Variants in THAP9 observed in about 807,000 individuals in gnomAD.
THAP9 encodes THAP domain containing 9.
In THAP9, 20 loss-of-function variants were observed where a neutral mutation model predicts 35.7. The observed-to-expected ratio is 0.56, with a 90% CI of 0.39 to 0.81. The LOEUF (loss-of-function observed/expected upper bound fraction) is 0.81. Among genes scored for constraint, THAP9 ranks in the 40% least tolerant of loss-of-function variants. The probability of loss-of-function intolerance (pLI) is 0.00; values close to 1 mark genes in which losing one functional copy is unlikely to be tolerated. For missense variants in THAP9, 870 were observed against 1,047.4 expected (o/e 0.83, Z 2.34); for synonymous variants, 335 against 373.7 (o/e 0.90, Z 1.19).
intron 1 of THAP9, 54 bp from the exon 2 acceptor site, chr4:82,904,682 G>A: frequency 1.3e-6 from 2 of 1,489,576 alleles, no homozygotes; most frequent in East Asian, 2.3e-5. Flanking sequence ...AAATACTACT[G>A]TAATAGTACT....
Position 82,906,436 on chromosome 4 carries a change from C to T in THAP9, c.389C>T (p.Thr130Ile), listed in dbSNP as rs376247867. ...ATEDHNYSLK[T>I]PLTIGAEKLA... ...GAGGACCATAACTATAGTTTAAAGA[C>T]ACCTTTGACGATAGGTGCAGAGAAA... The change falls in exon 3 of 5, where the codon ACA becomes ATA. Residue 130 changes from threonine (T) to isoleucine (I), a missense_variant. Thr to Ile is a moderately conservative substitution (Grantham distance 89, BLOSUM62 -1). This residue lies in a region of THAP9 where 440 missense variants were observed against 501.2 expected (regional missense o/e 0.88). Coordinates refer to ENST00000302236, the MANE Select transcript of THAP9 (RefSeq NM_024672.6). The T allele has an allele frequency of 7.4e-6, 12 of 1,613,794 alleles. No homozygotes were observed.
At chr4:82,915,021 T>A (rs1720991357) in intron 4 of THAP9, among the ~76,000 whole-genome samples, 1 of 152,236 alleles carries the variant, frequency 6.6e-6, no homozygotes, top group South Asian at 2.1e-4. Context: ...GTCTTCTGCA[T>A]ATGGCTAGCC....
rs768485620 is a variant in THAP9 at position 82,918,360 on chromosome 4, C to T, written c.2148C>T (p.Ile716=). The change falls in exon 5 of 5, where the codon ATC becomes ATT. Residue 716 remains isoleucine (I), a synonymous_variant. Coordinates refer to ENST00000302236, the MANE Select transcript of THAP9 (RefSeq NM_024672.6). ...TGTCAGATCATAGGCGAAATCTCAT[C>T]TGTTATGCTGGTTATGTTGCAAACA... ...LDLSDHRRNL[I]CYAGYVANKL... 1.4e-5 allele frequency: 23 copies of T among 1,614,174 alleles called. No homozygotes were observed. The South Asian group carries it at 2.4e-4, about 17-fold the overall frequency.
At chr4:82,905,580 A>G (rs1242802615) in intron 2 of THAP9, among the ~76,000 whole-genome samples, 1 of 152,112 alleles carries the variant, frequency 6.6e-6, no homozygotes, top group Non-Finnish European at 1.5e-5. Flanking sequence ...TCATTCCCCT[A>G]TTCGGAAGTA....
At chr4:82,901,021 G>A in intron 1 of THAP9, 139 bp downstream of exon 1, 1 of 1,043,502 alleles carries the variant, frequency 9.6e-7, no homozygotes, top group Non-Finnish European at 1.5e-6. Context: ...GCGTCGGGGC[G>A]TGGGAGCGGA....
Position 82,918,779 on chromosome 4 carries a change from T to C in THAP9, c.2567T>C (p.Leu856Ser). 1 of 1,613,838 alleles carries C rather than the reference T, an allele frequency of 6.2e-7. No homozygotes were observed. The highest frequency in any genetic ancestry group is 8.5e-7 in the Non-Finnish European group (1 of 1,179,902). Residue 856 changes from leucine to serine, a missense_variant, in exon 5 of 5, where the codon TTA (leucine) becomes TCA (serine). By Grantham distance (145) the Leu-to-Ser change is moderately radical. This residue lies in a region of THAP9 where 414 missense variants were observed against 500.8 expected (regional missense o/e 0.83). Transcript: ENST00000302236. ...GCTAAAAATGTTGCACAGAATCCTT[T>C]AAAACATCATTCAGAGAGAACTGAT... ...IRAKNVAQNP[L>S]KHHSERTDMK...
chr4:82,900,908 C>T (rs776146016), intron 1 of THAP9, 26 bp downstream of exon 1: 13 of 1,611,568 alleles, frequency 8.1e-6, no homozygotes, highest in African/African-American at 1.3e-5. Flanking sequence ...GCCTCGAAGC[C>T]TTCGAACTCC....
At chr4:82,902,542 AGGACCACGCTAGTAATAGAAGTTGTT>A (rs1264016284) in intron 1 of THAP9, among the ~76,000 whole-genome samples, 6 of 152,324 alleles carry the variant, frequency 3.9e-5, no homozygotes, top group African/African-American at 1.4e-4. Flanking sequence ...TTTGCATCAG[AGGACCACGCTAGTAATAGAAGTTGTT>A]GGACCAGCCA....
chr4:82,910,134 C>T (rs1007100162), intron 4 of THAP9: 2 of 152,020 alleles, frequency 1.3e-5, no homozygotes, highest in Non-Finnish European at 2.9e-5. Context: ...TTAAATCTTC[C>T]TGGTAATTCC....
At chr4:82,912,437 G>A (rs1428041528) in intron 4 of THAP9, among the ~76,000 whole-genome samples, 1 of 152,190 alleles carries the variant, frequency 6.6e-6, no homozygotes, top group Non-Finnish European at 1.5e-5. Context: ...ATTTAGCACT[G>A]TAGATCTCTA....
intron 4 of THAP9, among the ~76,000 whole-genome samples, chr4:82,909,770 T>C (rs1168172141): frequency 1.3e-5 from 2 of 152,202 alleles, no homozygotes; most frequent in Non-Finnish European, 2.9e-5. Flanking sequence ...TATTCACTTT[T>C]TGCTAAGCAA....
chr4:82,901,038 G>A, intron 1 of THAP9, 156 bp downstream of exon 1: 2 of 882,276 alleles, frequency 2.3e-6, no homozygotes, highest in Non-Finnish European at 3.7e-6. Context: ...CGGAATTGGG[G>A]CACTGTGAGA....
chr4:82,907,893 TAAGA>T lies in THAP9; in HGVS notation c.694_697del (p.Lys232PhefsTer35), dbSNP rs1201159940. 6.2e-7 allele frequency: 1 copy of T among 1,610,808 alleles called. No homozygotes were observed. Among genetic ancestry groups the T allele is most frequent in the Non-Finnish European group, 8.5e-7 (1 of 1,178,998 alleles). On this transcript the variant is annotated frameshift_variant, in exon 4 of 5. Transcript: ENST00000302236. LOFTEE classifies it low-confidence loss of function (END_TRUNC). ...TGCAGTAGCAAAGTCTATGATTATGTAAGAAAGATTCTTAAGCTGCCTCATTCTT... is the reference window on the plus strand; with the variant it reads ...TGCAGTAGCAAAGTCTATGATTATGTAAGATTCTTAAGCTGCCTCATTCTT...
intron 1 of THAP9, among the ~76,000 whole-genome samples, chr4:82,901,985 A>G (rs1035328331): frequency 6.6e-6 from 1 of 152,182 alleles, no homozygotes; most frequent in African/African-American, 2.4e-5. Flanking sequence ...GTAAGACTTT[A>G]TAGCATATGT....
chr4:82,908,691 A>G (rs968230494), intron 4 of THAP9, among the ~76,000 whole-genome samples: 1 of 152,152 alleles, frequency 6.6e-6, no homozygotes, highest in African/African-American at 2.4e-5. Context: ...TTCCAGGTTC[A>G]AGCAATTCTC....
chr4:82,902,105 C>CTTTTTTTT (rs768693634), intron 1 of THAP9, among the ~76,000 whole-genome samples: 2 of 104,482 alleles, frequency 1.9e-5, no homozygotes, highest in Non-Finnish European at 1.8e-5. Context: ...CATTTTCCTT[C>CTTTTTTTT]TTTTTTTTTT....
At position 82,917,484 on chromosome 4, in the gene THAP9, T is replaced by C. The variant is rs1193395763; in HGVS notation, c.1272T>C (p.Asn424=). Residue 424 remains asparagine (N), a synonymous_variant, in exon 5 of 5, where the codon AAT becomes AAC. Transcript: ENST00000302236. Reference sequence around the variant, plus strand: ...GCCACTTGCTAAGATTAATAAGAAATGCATTTCAGAATTTTCAAAGCATTC... The same window carrying C: ...GCCACTTGCTAAGATTAATAAGAAACGCATTTCAGAATTTTCAAAGCATTC... ...DSCHLLRLIR[N]AFQNFQSIQF... is the part of the protein sequence containing the mutation. 1 of 1,613,604 alleles carries C rather than the reference T, an allele frequency of 6.2e-7. No homozygotes were observed. Among genetic ancestry groups the C allele is most frequent in the Admixed American group, 1.7e-5 (1 of 60,006 alleles).
At position 82,900,831 on chromosome 4, in the gene THAP9, G is replaced by A. The variant is rs1296194129; in HGVS notation, c.29G>A (p.Cys10Tyr). Reference sequence around the variant, plus strand: ...ACCCGAAGTTGCTCCGCAGTGGGCTGCAGCACCCGTGACACCGTGCTCAGC... The same window carrying A: ...ACCCGAAGTTGCTCCGCAGTGGGCTACAGCACCCGTGACACCGTGCTCAGC... MTRSCSAVGCSTRDTVLSRE... is the reference protein window; with the variant it reads MTRSCSAVGYSTRDTVLSRE... Residue 10 changes from cysteine (C) to tyrosine (Y), a missense_variant, in exon 1 of 5, where the codon TGC becomes TAC. Around this residue, in one of 3 missense-constraint regions of THAP9, gnomAD observed 440 missense variants for 501.2 expected, o/e 0.88. Transcript: ENST00000302236. The A allele has an allele frequency of 3.7e-6, 6 of 1,613,630 alleles. No individual in the cohort carries two copies. The highest frequency in any genetic ancestry group is 5.1e-6 in the Non-Finnish European group (6 of 1,180,032).
At chr4:82,900,993 C>A in intron 1 of THAP9, 111 bp downstream of exon 1, 1 of 1,270,902 alleles carries the variant, frequency 7.9e-7, no homozygotes, top group Non-Finnish European at 1.1e-6. Context: ...GCGTGTGTGA[C>A]GCGACGTGAC....
Sources: allele counts gnomAD v4.1 joint callset (sites outside exome capture counted in the v4.1 genomes callset), GRCh38; gene constraint gnomAD v4.1.1; regional missense constraint gnomAD v4.1.1; transcripts MANE v1.5; gene names NCBI Gene and HGNC (gene_info 2026-07-23, HGNC 2026-07-21).